The following KIF23 variants were observed in gnomAD, a reference collection of about 807,000 sequenced individuals.
The protein encoded by KIF23 is kinesin-like protein KIF23.
KIF23 carries 30 observed loss-of-function variants against 137.5 expected under a neutral mutation model. The observed-to-expected ratio is 0.22, with a 90% confidence interval of 0.16 to 0.30. The LOEUF is 0.30. Among genes scored for constraint, KIF23 ranks in the 10% least tolerant of loss-of-function variants. The pLI, the probability that KIF23 is intolerant of heterozygous loss-of-function variation, is 1.00. For synonymous variants in KIF23, 367 were observed against 391.1 expected (o/e 0.94, Z 0.73); for missense variants, 920 against 1,194.3 (o/e 0.77, Z 3.38).
chr15:69,446,813 G>GT, intron 22 of KIF23, 58 bp from the exon 23 acceptor site: 1 of 1,471,348 alleles, frequency 6.8e-7, no homozygotes, highest in Non-Finnish European at 9.5e-7. Context: ...CTAAATAACT[G>GT]TGTTTTATAG....
intron 2 of KIF23, among the ~76,000 whole-genome samples, chr15:69,417,131 A>G (rs945778097): frequency 6.6e-6 from 1 of 152,220 alleles, no homozygotes; most frequent in Non-Finnish European, 1.5e-5. Context: ...TATAATAGTG[A>G]ATACACTGCA....
intron 10 of KIF23, 106 bp from the exon 11 acceptor site, chr15:69,429,005 T>C (rs1438910168): frequency 8.7e-6 from 6 of 688,932 alleles, no homozygotes; most frequent in Non-Finnish European, 1.4e-5. Context: ...CATTTTGTAC[T>C]GTGCAAATGT....
Position 69,444,855 on chromosome 15 carries a change from A to G in KIF23, c.2487A>G (p.Ala829=), listed in dbSNP as rs1242152670. The G allele has an allele frequency of 9.3e-6, 15 of 1,614,182 alleles. No individual in the cohort carries two copies. The highest frequency in any genetic ancestry group is 1.6e-4 in the Middle Eastern group (1 of 6,062). The part of the protein sequence containing the change: ...IRLRHRRSRS[A]GDRWVDHKPA... ...TCCGACACAGACGATCACGCTCTGC[A>G]GGAGACAGATGGGTAGATCATAAGC... The change falls in exon 20 of 24, where the codon GCA becomes GCG. Residue 829 remains alanine, a synonymous_variant. Transcript: ENST00000679126. The surrounding 1 kb of genome is among the most constrained non-coding windows in gnomAD (Gnocchi z 4.2).
intron 16 of KIF23, among the ~76,000 whole-genome samples, chr15:69,439,109 A>G (rs1027031411): frequency 6.6e-6 from 1 of 152,062 alleles, no homozygotes; most frequent in African/African-American, 2.4e-5. Flanking sequence ...AAAAAAAAAA[A>G]AAAGTTCTCA....
At chr15:69,423,378 A>C (rs2057110849) in intron 7 of KIF23, 49 bp downstream of exon 7, 1 of 1,301,658 alleles carries the variant, frequency 7.7e-7, no homozygotes, top group African/African-American at 1.6e-5. Flanking sequence ...TGGGGAAGTT[A>C]CTTTGCCTCA....
rs1447664805 is a variant in KIF23 at position 69,444,700 on chromosome 15, G to A, written c.2422-90G>A. The A allele has an allele frequency of 7.7e-7, 1 of 1,304,450 alleles. No individual in the cohort carries two copies. Among genetic ancestry groups the A allele is most frequent in the Non-Finnish European group, 1.1e-6 (1 of 945,484 alleles). 80.8% of individuals were successfully genotyped at this position (1,304,450 alleles called of 1,614,324 possible). ...AAAATATTTAGCTTTGGAAAGGTTT[G>A]CTATGATACTGTCATCAACTAATGT... On this transcript the variant is annotated intron_variant, in intron 19 of 23. Coordinates refer to ENST00000679126, the MANE Select transcript of KIF23 (RefSeq NM_001367805.3). The surrounding 1 kb of genome is among the most constrained non-coding windows in gnomAD (Gnocchi z 4.2).
At chr15:69,446,412 C>T in intron 22 of KIF23, 48 bp downstream of exon 22, 1 of 1,480,412 alleles carries the variant, frequency 6.8e-7, no homozygotes, top group South Asian at 1.1e-5. Context: ...TTAGGTTTGT[C>T]ATGTTTTAAA....
chr15:69,443,623 A>T (rs1341051633), intron 19 of KIF23: 1 of 151,992 alleles, frequency 6.6e-6, no homozygotes, highest in Non-Finnish European at 1.5e-5. Context: ...CACTGCACCC[A>T]GCCCTGCTTT....
chr15:69,446,206 A>G, intron 21 of KIF23, 77 bp from the exon 22 acceptor site: 1 of 1,420,416 alleles, frequency 7.0e-7, no homozygotes, highest in Non-Finnish European at 1.0e-6. Context: ...GGATGTAGAT[A>G]GTATTCCCCT....
At chr15:69,446,620 C>A in intron 22 of KIF23, 1 of 615,200 alleles carries the variant, frequency 1.6e-6, no homozygotes, top group Non-Finnish European at 2.9e-6. Context: ...ATGGCCTTAG[C>A]CACCAACTCT....
At chr15:69,445,379 T>TA (rs1286148113) in intron 20 of KIF23, among the ~76,000 whole-genome samples, 7 of 152,072 alleles carry the variant, frequency 4.6e-5, no homozygotes, top group Non-Finnish European at 5.9e-5. Flanking sequence ...CAGTTCAAGA[T>TA]AAAAAAACAA....
chr15:69,418,685 TTTTTTA>T (rs1429760930), intron 3 of KIF23, among the ~76,000 whole-genome samples: 1 of 152,232 alleles, frequency 6.6e-6, no homozygotes, highest in Non-Finnish European at 1.5e-5. Context: ...AAGGAGTAGC[TTTTTTA>T]TTTTTAATGC....
At chr15:69,416,141 TGGAAG>T in intron 2 of KIF23, 78 bp downstream of exon 2, 1 of 892,800 alleles carries the variant, frequency 1.1e-6, no homozygotes. Flanking sequence ...TGTGTATGCT[TGGAAG>T]GGAAAGAAGA....
chr15:69,435,902 C>T, intron 13 of KIF23, 131 bp downstream of exon 13: 1 of 1,311,934 alleles, frequency 7.6e-7, no homozygotes, highest in Non-Finnish European at 1.0e-6. Context: ...GTAAACTAGG[C>T]TTGGTGTGGT....
intron 19 of KIF23, chr15:69,443,966 GT>G (rs1567080966): frequency 4.7e-5 from 7 of 150,104 alleles, no homozygotes; most frequent in Non-Finnish European, 7.4e-5. Flanking sequence ...ATATATTTTT[GT>G]TTGTTTTGTT....
chr15:69,442,094 A>G (rs534657939), intron 19 of KIF23, among the ~76,000 whole-genome samples: 1 of 152,280 alleles, frequency 6.6e-6, no homozygotes, highest in Admixed American at 6.5e-5. Context: ...ATGAAAGTGT[A>G]TGCATTGCAT....
intron 11 of KIF23, among the ~76,000 whole-genome samples, chr15:69,432,217 G>A (rs2057370277): frequency 9.6e-4 from 1 of 1,042 alleles, no homozygotes; most frequent in South Asian, 0.25. Context: ...GTTAGGGAGT[G>A]AGAGAGAAAA....
In KIF23 at chr15:69,438,390, A is replaced by C. The variant is rs1461791312; in HGVS notation, c.1740A>C (p.Lys580Asn). 6.2e-7 allele frequency: 1 copy of C among 1,606,278 alleles called. No individual in the cohort carries two copies. ...LEIERLEKKN[K>N]TLEYKIEILE... ...TAGAACGACTGGAAAAGAAAAACAA[A>C]ACTTTAGAATATAAGGTTTGTTTTG... The change falls in exon 16 of 24, where the codon AAA becomes AAC. Residue 580 changes from lysine to asparagine, a missense_variant. By Grantham distance (94) the Lys-to-Asn change is moderately conservative. Around this residue, in one of 4 missense-constraint regions of KIF23, gnomAD observed 714 missense variants for 866.2 expected, o/e 0.82. Coordinates refer to ENST00000679126, the MANE Select transcript of KIF23 (RefSeq NM_001367805.3).
chr15:69,417,944 A>T (rs1358393475), intron 3 of KIF23, among the ~76,000 whole-genome samples: 1 of 152,216 alleles, frequency 6.6e-6, no homozygotes, highest in Non-Finnish European at 1.5e-5. Context: ...TTGTTTAGCA[A>T]ATGTGCTAAG....
Sources: gnomAD v4.1 joint callset for allele counts (sites outside exome capture counted in the v4.1 genomes callset) on GRCh38, gnomAD v4.1.1 for gene constraint, gnomAD v4.1.1 regional missense constraint, Gnocchi (gnomAD v3.1) non-coding constraint, MANE v1.5 for transcripts, NCBI Gene and HGNC (gene_info 2026-07-23, HGNC 2026-07-21) for gene names.